The following LRRC58 variants were observed in gnomAD, a reference collection of about 807,000 sequenced individuals.
The protein encoded by LRRC58 is leucine rich repeat containing 58, also known as leucine-rich repeat-containing protein 58.
In LRRC58, 18 loss-of-function variants were observed where a neutral mutation model predicts 30.6. The observed-to-expected ratio is 0.59, with a 90% CI of 0.41 to 0.87. The LOEUF (loss-of-function observed/expected upper bound fraction) is 0.87. Ranked by LOEUF, LRRC58 falls within the 40% of genes least tolerant of loss-of-function variation. The pLI is 0.00. For missense variants in LRRC58, 420 were observed against 468.4 expected (o/e 0.90, Z 0.95); for synonymous variants, 221 against 206.0 (o/e 1.07, Z -0.62).
chr3:120,347,402 T>TTTTTTTTTTTTTTTTTTTTTTA (rs55799733), intron 1 of LRRC58, among the ~76,000 whole-genome samples: 1 of 116,714 alleles, frequency 8.6e-6, no homozygotes, highest in Admixed American at 8.5e-5. Flanking sequence ...TTTTTTTTTT[T>TTTTTTTTTTTTTTTTTTTTTTA]GAGACAGAGT....
rs1576178898 is a variant in LRRC58, at chr3:120,326,526, A to G, written c.*4674T>C. On this transcript the variant is annotated 3_prime_UTR_variant, in exon 4 of 4. Transcript: ENST00000295628. The stretch of plus-strand genomic sequence containing the variant: ...ATACAGGGCATAGCACTTAATATGG[A>G]AACTGGGACATTCAATACAGAAGGA... The G allele has an allele frequency of 6.6e-6, 1 of 152,214 alleles. No individual in the cohort carries two copies. Among genetic ancestry groups the G allele is most frequent in the African/African-American group, 2.4e-5 (1 of 41,454 alleles). The allele number at this position is 152,214 out of a possible 1,614,324, so 9.4% of individuals were successfully genotyped here.
At chr3:120,331,554 G>A in intron 3 of LRRC58, 146 bp from the exon 4 acceptor site, 1 of 676,182 alleles carries the variant, frequency 1.5e-6, no homozygotes, top group East Asian at 2.7e-5. Context: ...TTGTATAGCT[G>A]TCTATAAGCC....
At position 120,326,862 on chromosome 3, in the gene LRRC58, C is replaced by T. The variant is rs556253432; in HGVS notation, c.*4338G>A. The stretch of plus-strand genomic sequence containing the variant: ...TTTTTACATAGCTACTGCTAAAATG[C>T]TTTAAAAGACCAAATTTTATTTGCA... On this transcript the variant is annotated 3_prime_UTR_variant, in exon 4 of 4. Coordinates refer to ENST00000295628, the MANE Select transcript of LRRC58 (RefSeq NM_001099678.2). The T allele has an allele frequency of 1.3e-5, 2 of 152,288 alleles. No homozygotes were observed. Among genetic ancestry groups the T allele is most frequent in the South Asian group, 4.1e-4 (2 of 4,826 alleles). The allele number at this position is 152,288 out of a possible 1,614,324, so 9.4% of individuals were successfully genotyped here.
At chr3:120,338,931 C>G (rs73856488) in intron 1 of LRRC58, among the ~76,000 whole-genome samples, 1,569 of 152,318 alleles carry the variant, frequency 0.01, 29 homozygotes, top group African/African-American at 0.035. Flanking sequence ...GGAGGAAAAG[C>G]AGACTGGAGC....
At position 120,327,251 on chromosome 3, in the gene LRRC58, T is replaced by TC. The variant is rs1559991607; in HGVS notation, c.*3948_*3949insG. ...CCCTGTGGCTTCTAAAGATTTCTTT[T>TC]TTTTTTTTTTTTTTTTTTGAGACGG... On this transcript the variant is annotated 3_prime_UTR_variant, in exon 4 of 4. Transcript: ENST00000295628. 7.6e-6 allele frequency: 1 copy of TC among 132,176 alleles called. No homozygotes were observed. Among genetic ancestry groups the TC allele is most frequent in the Non-Finnish European group, 1.6e-5 (1 of 63,348 alleles). The allele number at this position is 132,176 out of a possible 1,614,324, so 8.2% of individuals were successfully genotyped here. A position where few individuals can be genotyped will look rare whatever the true frequency, so the allele number is the denominator to read the frequency against.
At position 120,330,153 on chromosome 3, in the gene LRRC58, A is replaced by G. The variant is rs1384895792; in HGVS notation, c.*1047T>C. On this transcript the variant is annotated 3_prime_UTR_variant, in exon 4 of 4. Coordinates refer to ENST00000295628, the MANE Select transcript of LRRC58 (RefSeq NM_001099678.2). Reference sequence around the variant, plus strand: ...AAAAAGTAGAGAAAGATGGTCCAGTACATGACATGGGTGAGAGTCATATTT... The same window carrying G: ...AAAAAGTAGAGAAAGATGGTCCAGTGCATGACATGGGTGAGAGTCATATTT... The G allele has an allele frequency of 1.3e-5, 2 of 152,124 alleles. No homozygotes were observed. The highest frequency in any genetic ancestry group is 3.8e-4 in the East Asian group (2 of 5,198). The allele number at this position is 152,124 out of a possible 1,614,324, so 9.4% of individuals were successfully genotyped here.
At position 120,331,257 on chromosome 3, in the gene LRRC58, G is replaced by A; in HGVS notation, c.1059C>T (p.Asp353=). The change falls in exon 4 of 4, where the codon GAC becomes GAT. Residue 353 remains aspartate (D), a synonymous_variant. Coordinates refer to ENST00000295628, the MANE Select transcript of LRRC58 (RefSeq NM_001099678.2). ...CAGCAACACTAGCTTCATCTTCTGA[G>A]TCAGATTCACTCTGGGAAGTGGAGC... The part of the protein sequence containing the change: ...SHSSTSQSES[D]SEDEASVAAR... 1.2e-6 allele frequency: 2 copies of A among 1,613,974 alleles called. No individual in the cohort carries two copies. The highest frequency in any genetic ancestry group is 1.7e-6 in the Non-Finnish European group (2 of 1,179,878).
At position 120,328,225 on chromosome 3, in the gene LRRC58, T is replaced by C. The variant is rs1935708603; in HGVS notation, c.*2975A>G. 6.6e-6 allele frequency: 1 copy of C among 152,194 alleles called. No individual in the cohort carries two copies. The allele number at this position is 152,194 out of a possible 1,614,324, so 9.4% of individuals were successfully genotyped here. On this transcript the variant is annotated 3_prime_UTR_variant, in exon 4 of 4. Transcript: ENST00000295628. ...GACCATAGCCAGCTGGTCCTTAATG[T>C]CAGCCAATCCCTGGCACCCTGGAAT...
Position 120,349,013 on chromosome 3 carries a change from G to A in LRRC58, c.231C>T (p.Gly77=). ...CCGGCCCGAGCGCGGTCAACGCGTTGCCGCTCACGTCCAGCAGCTGGAGGT... is the reference window on the plus strand; with the variant it reads ...CCGGCCCGAGCGCGGTCAACGCGTTACCGCTCACGTCCAGCAGCTGGAGGT... ...FPHLQLLDVS[G]NALTALGPEL... is the part of the protein sequence containing the mutation. Residue 77 remains glycine (G), a synonymous_variant, in exon 1 of 4, where the codon GGC becomes GGT. Coordinates refer to ENST00000295628, the MANE Select transcript of LRRC58 (RefSeq NM_001099678.2). The A allele has an allele frequency of 1.3e-6, 2 of 1,520,396 alleles. No homozygotes were observed. Among genetic ancestry groups the A allele is most frequent in the Non-Finnish European group, 1.8e-6 (2 of 1,141,324 alleles). 94.2% of individuals were successfully genotyped at this position (1,520,396 alleles called of 1,614,324 possible).
rs1392940573 is a variant in LRRC58, at chr3:120,334,728, G to A, written c.907+134C>T. On this transcript the variant is annotated intron_variant, in intron 3 of 3. Coordinates refer to ENST00000295628, the MANE Select transcript of LRRC58 (RefSeq NM_001099678.2). ...AAAAGAATTTTTTAAAAAACCCAGA[G>A]TGAAATGTCTTTCTCATAAATGAGT... 3 of 849,266 alleles carry A rather than the reference G, an allele frequency of 3.5e-6. No individual in the cohort carries two copies. In the East Asian group the frequency reaches 8.3e-5, roughly 23 times the overall value. 52.6% of individuals were successfully genotyped at this position (849,266 alleles called of 1,614,324 possible).
In LRRC58 at chr3:120,340,874, G is replaced by T. The variant is rs189578392; in HGVS notation, c.501-4921C>A. Among the ~76,000 whole-genome samples, 375 of 152,284 alleles carry T rather than the reference G, an allele frequency of 2.5e-3. 1 individual carries two copies. The highest frequency in any genetic ancestry group is 7.2e-3 in the African/African-American group (301 of 41,578). On this transcript the variant is annotated intron_variant, in intron 1 of 3. Transcript: ENST00000295628. ...GTGGCACCACTGCACTCCAGCCTGG[G>T]TGACAAAGTGAGACTGTCTCTCAAA...
rs759099977 is a variant in LRRC58, at chr3:120,347,541, G to A, written c.500+1203C>T. Among the ~76,000 whole-genome samples, 15 of 150,236 alleles carry A rather than the reference G, an allele frequency of 1.0e-4. 1 individual carries two copies. The East Asian group carries it at 1.4e-3, about 14-fold the overall frequency. ...CGAGTAGCTGGGACTACAGGCGCCC[G>A]CCACCGCGCCCGGCTAATTTTTTGT... On this transcript the variant is annotated intron_variant, in intron 1 of 3. Coordinates refer to ENST00000295628, the MANE Select transcript of LRRC58 (RefSeq NM_001099678.2).
intron 3 of LRRC58, among the ~76,000 whole-genome samples, chr3:120,333,733 C>T (rs953126518): frequency 6.6e-6 from 1 of 152,158 alleles, no homozygotes; most frequent in Admixed American, 6.5e-5. Flanking sequence ...CACCCACACA[C>T]CCTGGCCCTT....
intron 1 of LRRC58, among the ~76,000 whole-genome samples, chr3:120,343,744 G>A (rs59766787): frequency 0.031 from 4,691 of 152,198 alleles, 148 homozygotes; most frequent in African/African-American, 0.084. Flanking sequence ...AAAAATATAC[G>A]TTAAGCTGGG....
Position 120,348,844 on chromosome 3 carries a change from C to T in LRRC58, c.400G>A (p.Glu134Lys). The change falls in exon 1 of 4, where the codon GAG becomes AAG. Residue 134 changes from glutamate (E) to lysine (K), a missense_variant. Around this residue, in one of 2 missense-constraint regions of LRRC58, gnomAD observed 266 missense variants for 251.7 expected, o/e 1.06. Transcript: ENST00000295628. ...VLNLSGNCFQ[E>K]VPASLLELRA... The stretch of plus-strand genomic sequence containing the variant: ...AGCTCTAAGAGCGAGGCAGGCACCT[C>T]CTGGAAACAGTTGCCGCTGAGGTTG... The T allele has an allele frequency of 3.7e-6, 6 of 1,604,492 alleles. No individual in the cohort carries two copies. The highest frequency in any genetic ancestry group is 5.1e-6 in the Non-Finnish European group (6 of 1,176,294).
rs758966720 is a variant in LRRC58 at position 120,348,995 on chromosome 3, G to A, written c.249C>T (p.Leu83=). ...LDVSGNALTA[L]GPELLALRGL... ...CGCGCAGAGCGAGCAGCTCCGGCCC[G>A]AGCGCGGTCAACGCGTTGCCGCTCA... Residue 83 remains leucine (L), a synonymous_variant, in exon 1 of 4, where the codon CTC becomes CTT. Coordinates refer to ENST00000295628, the MANE Select transcript of LRRC58 (RefSeq NM_001099678.2). 59 of 1,524,550 alleles carry A rather than the reference G, an allele frequency of 3.9e-5. No individual in the cohort carries two copies. Among genetic ancestry groups the A allele is most frequent in the Non-Finnish European group, 4.6e-5 (53 of 1,142,790 alleles). 94.4% of individuals were successfully genotyped at this position (1,524,550 alleles called of 1,614,324 possible).
intron 1 of LRRC58, among the ~76,000 whole-genome samples, chr3:120,343,273 A>C (rs1447247784): frequency 6.6e-6 from 1 of 152,214 alleles, no homozygotes; most frequent in Non-Finnish European, 1.5e-5. Flanking sequence ...AATAATTTCC[A>C]AATTTCTAGG....
chr3:120,337,600 C>T (rs538735585), intron 1 of LRRC58, among the ~76,000 whole-genome samples: 1 of 152,168 alleles, frequency 6.6e-6, no homozygotes, highest in East Asian at 1.9e-4. Context: ...ACAAAAAGAA[C>T]ATGTAGCTAT....
In LRRC58 at chr3:120,325,265, T is replaced by C. The variant is rs2107618752; in HGVS notation, c.*5935A>G. ...TAATTAACCAATTTAGTCATGTTTT[T>C]GCAATACTGCAACAGCAATGTCAAT... On this transcript the variant is annotated 3_prime_UTR_variant, in exon 4 of 4. Transcript: ENST00000295628. 6.6e-6 allele frequency: 1 copy of C among 152,240 alleles called. No homozygotes were observed. Among genetic ancestry groups the C allele is most frequent in the East Asian group, 1.9e-4 (1 of 5,192 alleles). The allele number at this position is 152,240 out of a possible 1,614,324, so 9.4% of individuals were successfully genotyped here.
Sources: allele counts gnomAD v4.1 joint callset (sites outside exome capture counted in the v4.1 genomes callset), GRCh38; gene constraint gnomAD v4.1.1; regional missense constraint gnomAD v4.1.1; transcripts MANE v1.5; gene names NCBI Gene and HGNC (gene_info 2026-07-23, HGNC 2026-07-21).